The following DLG2 variants were observed in gnomAD, a reference collection of about 807,000 sequenced individuals.
DLG2 encodes discs large MAGUK scaffold protein 2.
A neutral mutation model predicts 132.5 loss-of-function variants in DLG2; 45 were observed. The ratio of observed to expected loss-of-function variants is 0.34; its 90% CI spans 0.27 to 0.44. The LOEUF (loss-of-function observed/expected upper bound fraction) is 0.44. Ranked by LOEUF, DLG2 falls within the 20% of genes least tolerant of loss-of-function variation. The pLI, the probability that DLG2 is intolerant of heterozygous loss-of-function variation, is 1.00. For missense variants in DLG2, 1,045 were observed against 1,196.9 expected, an observed-to-expected ratio of 0.87 and a Z score of 1.87; for synonymous variants, 424 against 419.6, an observed-to-expected ratio of 1.01 and a Z score of -0.13.
chr11:84,764,774 A>T (rs1162133488), intron 6 of DLG2, among the ~76,000 whole-genome samples: 2 of 152,142 alleles, frequency 1.3e-5, no homozygotes, highest in Non-Finnish European at 2.9e-5. Flanking sequence ...TACATTGTAG[A>T]CACTGTGCTT....
intron 6 of DLG2, among the ~76,000 whole-genome samples, chr11:85,106,381 A>G (rs562669560): frequency 6.6e-6 from 1 of 152,136 alleles, no homozygotes; most frequent in African/African-American, 2.4e-5. Flanking sequence ...GTCATAGAAC[A>G]AAAAGTTTCT....
At chr11:84,700,487 T>G (rs920333768) in intron 6 of DLG2, among the ~76,000 whole-genome samples, 5 of 151,712 alleles carry the variant, frequency 3.3e-5, no homozygotes, top group Admixed American at 1.3e-4. Context: ...TGATCAAGTA[T>G]AGCTAACCAA....
intron 3 of DLG2, among the ~76,000 whole-genome samples, chr11:85,501,060 C>T (rs565163864): frequency 2.7e-4 from 41 of 152,150 alleles, no homozygotes; most frequent in African/African-American, 9.4e-4. Context: ...GGTACTGGTA[C>T]CAAAACATAT....
intron 6 of DLG2, among the ~76,000 whole-genome samples, chr11:84,623,012 C>T (rs1004729800): frequency 5.9e-5 from 9 of 152,102 alleles, no homozygotes; most frequent in African/African-American, 2.2e-4. Context: ...AGTGCAGGCC[C>T]TTATTAACTC....
chr11:83,475,612 T>C (rs1229658364), intron 22 of DLG2, among the ~76,000 whole-genome samples: 1 of 151,880 alleles, frequency 6.6e-6, no homozygotes, highest in African/African-American at 2.4e-5. Context: ...GAAGAAAAAA[T>C]TGAAGAGAGA....
chr11:84,817,507 G>A (rs1293625017), intron 6 of DLG2, among the ~76,000 whole-genome samples: 1 of 151,938 alleles, frequency 6.6e-6, no homozygotes, highest in Admixed American at 6.6e-5. Flanking sequence ...TCAGATTTAG[G>A]GGGTTGTTTT....
intron 3 of DLG2, among the ~76,000 whole-genome samples, chr11:85,581,143 T>C (rs1003361477): frequency 1.3e-5 from 2 of 152,170 alleles, no homozygotes; most frequent in East Asian, 1.9e-4. Context: ...CCTAAAGCCA[T>C]AGCTTCTGTC....
intron 3 of DLG2, among the ~76,000 whole-genome samples, chr11:85,388,043 G>A (rs2086493565): frequency 6.6e-6 from 1 of 152,198 alleles, no homozygotes; most frequent in Non-Finnish European, 1.5e-5. Context: ...CTTGTAGCCT[G>A]TGACAAGTAC....
rs79107559 is a variant in DLG2, at chr11:85,191,779, C to T, written c.187-37128G>A. On this transcript the variant is annotated intron_variant, in intron 4 of 27. Transcript: ENST00000376104. ...ATACTACCATTGATGGGCAGGCAGA[C>T]ATTCCAGCAACAGATGAATATTGAA... 5.5e-3 allele frequency among the ~76,000 whole-genome samples: 842 copies of T among 152,256 alleles called. 2 individuals are homozygous for T. Among genetic ancestry groups the T allele is most frequent in the Non-Finnish European group, 8.5e-3 (581 of 68,022 alleles).
chr11:83,539,632 C>T (rs1438106400), intron 20 of DLG2, among the ~76,000 whole-genome samples: 1 of 151,074 alleles, frequency 6.6e-6, no homozygotes, highest in South Asian at 2.1e-4. Context: ...AATGTATTTA[C>T]AGCTATACAT....
At chr11:83,728,058 C>G (rs184691601) in intron 18 of DLG2, among the ~76,000 whole-genome samples, 56 of 152,242 alleles carry the variant, frequency 3.7e-4, no homozygotes, top group Middle Eastern at 3.4e-3. Context: ...AATCAGGCAC[C>G]AAATCCCATT....
At chr11:84,675,699 C>A (rs189631898) in intron 6 of DLG2, among the ~76,000 whole-genome samples, 3 of 151,986 alleles carry the variant, frequency 2.0e-5, no homozygotes, top group Non-Finnish European at 2.9e-5. Flanking sequence ...TTAGACGGGA[C>A]GGTATTTTAG....
chr11:83,864,501 G>C (rs2061966789), intron 16 of DLG2, among the ~76,000 whole-genome samples: 2 of 152,158 alleles, frequency 1.3e-5, no homozygotes, highest in Non-Finnish European at 2.9e-5. Flanking sequence ...AATCCTCTTT[G>C]AGCAGTCTAA....
At chr11:83,916,287 T>C (rs2076907535) in intron 15 of DLG2, among the ~76,000 whole-genome samples, 2 of 152,042 alleles carry the variant, frequency 1.3e-5, no homozygotes, top group African/African-American at 2.4e-5. Flanking sequence ...CTGAGCCTAA[T>C]GGGAGATTTT....
chr11:84,351,314 C>T (rs535190427), intron 7 of DLG2, among the ~76,000 whole-genome samples: 1 of 152,084 alleles, frequency 6.6e-6, no homozygotes, highest in South Asian at 2.1e-4. Context: ...TTTTTCAGCC[C>T]AGGTCCTCTC....
intron 6 of DLG2, among the ~76,000 whole-genome samples, chr11:84,767,965 T>G (rs1170930158): frequency 6.6e-6 from 1 of 152,108 alleles, no homozygotes; most frequent in East Asian, 1.9e-4. Flanking sequence ...TGTGCCTGCA[T>G]TAAGAAAATG....
chr11:84,232,613 G>C (rs997238830), intron 8 of DLG2, among the ~76,000 whole-genome samples: 1 of 152,182 alleles, frequency 6.6e-6, no homozygotes, highest in East Asian at 1.9e-4. Flanking sequence ...GAAGGAAAGA[G>C]CTTGCTTCCC....
chr11:83,611,791 C>G (rs2060150022), intron 19 of DLG2, among the ~76,000 whole-genome samples: 1 of 152,172 alleles, frequency 6.6e-6, no homozygotes, highest in Non-Finnish European at 1.5e-5. Flanking sequence ...AGGACGGGAA[C>G]AGGGGACACT....
At chr11:83,960,293 T>C (rs1214458392) in intron 14 of DLG2, among the ~76,000 whole-genome samples, 1 of 152,072 alleles carries the variant, frequency 6.6e-6, no homozygotes, top group Non-Finnish European at 1.5e-5. Context: ...AAGTGTCTCT[T>C]GTGGTGTTAG....
Sources: gnomAD v4.1 joint callset for allele counts (sites outside exome capture counted in the v4.1 genomes callset) on GRCh38, gnomAD v4.1.1 for gene constraint, MANE v1.5 for transcripts, NCBI Gene and HGNC (gene_info 2026-07-23, HGNC 2026-07-21) for gene names.